The following ATP6V1E1 variants were observed in gnomAD, a reference collection of about 807,000 sequenced individuals.
ATP6V1E1 encodes V-type proton ATPase subunit E 1.
In ATP6V1E1, 21 loss-of-function variants were observed where a neutral mutation model predicts 35.2. The observed-to-expected ratio is 0.60, with a 90% CI of 0.42 to 0.86. ATP6V1E1 has a LOEUF of 0.86. Ranked by LOEUF, ATP6V1E1 falls within the 40% of genes least tolerant of loss-of-function variation. The pLI, the probability that ATP6V1E1 is intolerant of heterozygous loss-of-function variation, is 0.00. For missense variants in ATP6V1E1, 183 were observed against 272.6 expected (o/e 0.67, Z 2.32); for synonymous variants, 83 against 87.8 (o/e 0.95, Z 0.30).
At chr22:17,616,820 G>A (rs9604774) in intron 2 of ATP6V1E1, among the ~76,000 whole-genome samples, 23,710 of 76,332 alleles carry the variant, frequency 0.31, 6,806 homozygotes, top group Middle Eastern at 0.5. Flanking sequence ...AGGCCGAGGC[G>A]GGCGGATCAC....
chr22:17,607,459 T>A (rs1270684602), intron 4 of ATP6V1E1, among the ~76,000 whole-genome samples: 2 of 152,162 alleles, frequency 1.3e-5, no homozygotes, highest in South Asian at 4.1e-4. Context: ...CTTCATTCCA[T>A]CTACCAGTTG....
chr22:17,594,323 C>T (rs1314432587), intron 8 of ATP6V1E1, among the ~76,000 whole-genome samples: 2 of 152,198 alleles, frequency 1.3e-5, no homozygotes, highest in Non-Finnish European at 1.5e-5. Flanking sequence ...GTCAACAAAA[C>T]ACTTGTTCTG....
chr22:17,599,956 A>T, intron 6 of ATP6V1E1, 71 bp downstream of exon 6: 8 of 1,081,282 alleles, frequency 7.4e-6, no homozygotes, highest in South Asian at 1.3e-5. Flanking sequence ...AGGAAGGAAA[A>T]GAAAGAGAGA....
At chr22:17,612,258 T>C (rs2057819302) in intron 4 of ATP6V1E1, among the ~76,000 whole-genome samples, 1 of 152,214 alleles carries the variant, frequency 6.6e-6, no homozygotes, top group Admixed American at 6.5e-5. Context: ...CATCCCTGTT[T>C]GGCTTATGAA....
At chr22:17,620,119 A>G (rs934800517) in intron 1 of ATP6V1E1, among the ~76,000 whole-genome samples, 4 of 149,592 alleles carry the variant, frequency 2.7e-5, no homozygotes, top group Non-Finnish European at 5.9e-5. Context: ...ATCTTTCAGC[A>G]TCAGTTGATG....
intron 4 of ATP6V1E1, 121 bp downstream of exon 4, chr22:17,612,691 G>T (rs2146308383): frequency 2.4e-6 from 2 of 834,056 alleles, no homozygotes; most frequent in East Asian, 5.7e-5. Context: ...TATAATAATT[G>T]GAATGTTTTC....
chr22:17,623,870 T>C (rs1487811487), intron 1 of ATP6V1E1, among the ~76,000 whole-genome samples: 1 of 152,084 alleles, frequency 6.6e-6, no homozygotes, highest in Admixed American at 6.6e-5. Flanking sequence ...CTATTTACAG[T>C]TAACATGATC....
chr22:17,613,137 T>C, intron 3 of ATP6V1E1, 74 bp downstream of exon 3: 1 of 1,290,734 alleles, frequency 7.7e-7, no homozygotes, highest in Non-Finnish European at 1.1e-6. Context: ...AATTTATATA[T>C]GCCTGACTCC....
At chr22:17,601,037 T>C in intron 5 of ATP6V1E1, 55 bp downstream of exon 5, 1 of 1,464,804 alleles carries the variant, frequency 6.8e-7, no homozygotes, top group Non-Finnish European at 9.4e-7. Flanking sequence ...TAATAGGCAT[T>C]CTAAATTTTC....
chr22:17,624,575 G>A (rs558153699), intron 1 of ATP6V1E1, among the ~76,000 whole-genome samples: 2 of 151,212 alleles, frequency 1.3e-5, no homozygotes, highest in Non-Finnish European at 2.9e-5. Context: ...AATAACTCAT[G>A]CGCAGTGGCT....
chr22:17,611,521 CT>C (rs2057815371), intron 4 of ATP6V1E1, among the ~76,000 whole-genome samples: 1 of 152,216 alleles, frequency 6.6e-6, no homozygotes, highest in Non-Finnish European at 1.5e-5. Context: ...CTCACTGACA[CT>C]TACATCTGGA....
chr22:17,613,414 T>C, intron 2 of ATP6V1E1, 94 bp from the exon 3 acceptor site: 1 of 880,568 alleles, frequency 1.1e-6, no homozygotes, highest in Non-Finnish European at 1.8e-6. Flanking sequence ...TTATGAACAC[T>C]AATTTCATAT....
At chr22:17,593,252 C>A (rs2057713994) in intron 8 of ATP6V1E1, among the ~76,000 whole-genome samples, 1 of 151,756 alleles carries the variant, frequency 6.6e-6, no homozygotes, top group African/African-American at 2.4e-5. Flanking sequence ...GTTCAGACTG[C>A]TTACAAAAGG....
At chr22:17,618,665 G>C (rs888002383) in intron 2 of ATP6V1E1, among the ~76,000 whole-genome samples, 21 of 134,042 alleles carry the variant, frequency 1.6e-4, no homozygotes, top group African/African-American at 5.5e-4. Context: ...CTGGGCGACA[G>C]AGCGAGACTC....
intron 1 of ATP6V1E1, among the ~76,000 whole-genome samples, chr22:17,627,123 G>A (rs2057912845): frequency 6.6e-6 from 1 of 151,992 alleles, no homozygotes; most frequent in Non-Finnish European, 1.5e-5. Context: ...CTGAGTAGCT[G>A]GGACTACAGG....
intron 1 of ATP6V1E1, among the ~76,000 whole-genome samples, chr22:17,623,974 C>T (rs2057890999): frequency 6.6e-6 from 1 of 152,168 alleles, no homozygotes; most frequent in Non-Finnish European, 1.5e-5. Flanking sequence ...TTTAAAAAAA[C>T]AGTTTCTTCT....
intron 8 of ATP6V1E1, among the ~76,000 whole-genome samples, chr22:17,593,733 A>G (rs1432943257): frequency 6.6e-6 from 1 of 152,234 alleles, no homozygotes; most frequent in Non-Finnish European, 1.5e-5. Flanking sequence ...AGTAAACTGC[A>G]TATCTAGGTC....
chr22:17,628,756 G>C (rs2057942047), upstream of ATP6V1E1: 1 of 1,390,814 alleles, frequency 7.2e-7, no homozygotes, highest in Non-Finnish European at 1.0e-6. Flanking sequence ...TTATAACCGC[G>C]GGTTCCGGTT....
chr22:17,593,280 C>A (rs537700402), intron 8 of ATP6V1E1, among the ~76,000 whole-genome samples: 65 of 149,890 alleles, frequency 4.3e-4, no homozygotes, highest in Admixed American at 2.6e-4. Context: ...TAAAAAAAAA[C>A]AAAACAAAAA....
Sources: allele counts gnomAD v4.1 joint callset (sites outside exome capture counted in the v4.1 genomes callset), GRCh38; gene constraint gnomAD v4.1.1; transcripts MANE v1.5; gene names NCBI Gene and HGNC (gene_info 2026-07-23, HGNC 2026-07-21).